Variants in SEMA3E observed in about 807,000 individuals in gnomAD.
The protein encoded by SEMA3E is semaphorin 3E.
In SEMA3E, 49 loss-of-function variants were observed where a neutral mutation model predicts 93.6. The ratio of observed to expected loss-of-function variants is 0.52; its 90% CI spans 0.42 to 0.66. The LOEUF is 0.66. SEMA3E is among the 30% of genes least tolerant of loss of function. The pLI, the probability that SEMA3E is intolerant of heterozygous loss-of-function variation, is 0.00. For synonymous variants in SEMA3E, 363 were observed against 330.7 expected (o/e 1.10, Z -1.06); for missense variants, 906 against 964.8 (o/e 0.94, Z 0.81).
At chr7:83,611,488 T>C (rs1793261623) in intron 1 of SEMA3E, among the ~76,000 whole-genome samples, 1 of 149,968 alleles carries the variant, frequency 6.7e-6, no homozygotes, top group South Asian at 2.1e-4. Flanking sequence ...TAGGTCCTCA[T>C]CTAGCTACCA....
intron 1 of SEMA3E, among the ~76,000 whole-genome samples, chr7:83,549,309 A>G (rs1791713427): frequency 6.6e-6 from 1 of 152,104 alleles, no homozygotes; most frequent in Non-Finnish European, 1.5e-5. Flanking sequence ...TTTACATATC[A>G]TAAAGGCTAT....
chr7:83,632,647 G>A (rs1267691532), intron 1 of SEMA3E, among the ~76,000 whole-genome samples: 1 of 152,062 alleles, frequency 6.6e-6, no homozygotes, highest in Non-Finnish European at 1.5e-5. Flanking sequence ...TTCGTAAATT[G>A]CCCAGTCTCA....
At chr7:83,408,604 G>T in intron 5 of SEMA3E, 117 bp from the exon 6 acceptor site, 2 of 1,118,666 alleles carry the variant, frequency 1.8e-6, no homozygotes, top group Non-Finnish European at 1.3e-6. Context: ...TAATACTATT[G>T]CTGTTAGGAG....
At chr7:83,542,106 G>A (rs1584319867) in intron 1 of SEMA3E, among the ~76,000 whole-genome samples, 1 of 151,882 alleles carries the variant, frequency 6.6e-6, no homozygotes, top group African/African-American at 2.4e-5. Flanking sequence ...ATTTTGGGAG[G>A]CCTAGGCAGG....
chr7:83,595,379 G>C (rs1326386675), intron 1 of SEMA3E, among the ~76,000 whole-genome samples: 1 of 151,962 alleles, frequency 6.6e-6, no homozygotes, highest in Non-Finnish European at 1.5e-5. Context: ...AAACAGTACA[G>C]AGTTTACATA....
At chr7:83,468,692 G>A (rs1196939052) in intron 3 of SEMA3E, among the ~76,000 whole-genome samples, 2 of 152,158 alleles carry the variant, frequency 1.3e-5, no homozygotes, top group Non-Finnish European at 2.9e-5. Context: ...GTCTTAGTGT[G>A]TTAGGGACTG....
At position 83,633,764 on chromosome 7, in the gene SEMA3E, G is replaced by GA. The variant is rs1037264156; in HGVS notation, c.115+14663dup. ...AGCAGCTGGGCCTATTTGTTAAGAGGAAAAAAAAAATAGTCATTGAGGATA... is the reference window on the plus strand; with the variant it reads ...AGCAGCTGGGCCTATTTGTTAAGAGGAAAAAAAAAAATAGTCATTGAGGATA... On this transcript the variant is annotated intron_variant, in intron 1 of 16. Transcript: ENST00000643230. 5.4e-5 allele frequency among the ~76,000 whole-genome samples: 8 copies of GA among 149,044 alleles called. No individual in the cohort carries two copies. In the South Asian group the frequency reaches 6.4e-4, roughly 12 times the overall value.
In SEMA3E at chr7:83,532,111, A is replaced by G. The variant is rs191872926; in HGVS notation, c.116-41837T>C. On this transcript the variant is annotated intron_variant, in intron 1 of 16. Transcript: ENST00000643230. ...AGATAGTTCAATGCAAAAATTTAAG[A>G]CAACATTAAAAAAATTAGGAATCTT... Among the ~76,000 whole-genome samples, 570 of 152,290 alleles carry G rather than the reference A, an allele frequency of 3.7e-3. 2 individuals are homozygous for G. The highest frequency in any genetic ancestry group is 5.7e-3 in the Non-Finnish European group (390 of 68,008).
chr7:83,418,857 T>C (rs1788615196), intron 4 of SEMA3E, among the ~76,000 whole-genome samples: 2 of 151,092 alleles, frequency 1.3e-5, no homozygotes, highest in Admixed American at 1.3e-4. Context: ...TGGGCTTTTA[T>C]CAAGCATATC....
chr7:83,509,748 T>C (rs186353453), intron 1 of SEMA3E, among the ~76,000 whole-genome samples: 10 of 152,294 alleles, frequency 6.6e-5, no homozygotes, highest in Non-Finnish European at 1.3e-4. Context: ...ATTTGATCTG[T>C]CACTGGAATT....
At chr7:83,509,173 A>T (rs1297707357) in intron 1 of SEMA3E, among the ~76,000 whole-genome samples, 2 of 152,188 alleles carry the variant, frequency 1.3e-5, no homozygotes, top group Admixed American at 1.3e-4. Context: ...TTAACTAAAA[A>T]CTTTGCTTTG....
At chr7:83,431,443 T>C (rs879811328) in intron 4 of SEMA3E, among the ~76,000 whole-genome samples, 8 of 152,132 alleles carry the variant, frequency 5.3e-5, no homozygotes, top group Non-Finnish European at 7.4e-5. Flanking sequence ...TTAAGGGTTA[T>C]CATATTTGTT....
At position 83,606,506 on chromosome 7, in the gene SEMA3E, G is replaced by C. The variant is rs535376164; in HGVS notation, c.115+41922C>G. Among the ~76,000 whole-genome samples, 12 of 147,274 alleles carry C rather than the reference G, an allele frequency of 8.1e-5. No homozygotes were observed. In the Middle Eastern group the frequency reaches 0.014, roughly 170 times the overall value. Reference sequence around the variant, plus strand: ...AAACCATCATTCTCAGTAAACTATCGCAAGAACAAAAAACCAAACACCGCA... The same window carrying C: ...AAACCATCATTCTCAGTAAACTATCCCAAGAACAAAAAACCAAACACCGCA... On this transcript the variant is annotated intron_variant, in intron 1 of 16. Coordinates refer to ENST00000643230, the MANE Select transcript of SEMA3E (RefSeq NM_012431.3).
intron 1 of SEMA3E, among the ~76,000 whole-genome samples, chr7:83,542,686 G>A (rs1443769379): frequency 6.6e-6 from 1 of 152,034 alleles, no homozygotes; most frequent in Admixed American, 6.6e-5. Context: ...GGAATTTTGT[G>A]GCTAACACAG....
rs143673349 is a variant in SEMA3E, at chr7:83,436,480, C to T, written c.457-17997G>A. Among the ~76,000 whole-genome samples the T allele has an allele frequency of 4.9e-3, 745 of 151,612 alleles. 3 individuals are homozygous for T. The highest frequency in any genetic ancestry group is 0.017 in the African/African-American group (702 of 41,374). ...TTTCGTTACTTGTTAAATATATATA[C>T]ATACATATATATACACACATATACA... is the stretch of plus-strand genomic sequence containing the variant. On this transcript the variant is annotated intron_variant, in intron 4 of 16. Coordinates refer to ENST00000643230, the MANE Select transcript of SEMA3E (RefSeq NM_012431.3).
intron 1 of SEMA3E, among the ~76,000 whole-genome samples, chr7:83,647,106 C>T (rs1018875053): frequency 9.2e-5 from 14 of 151,988 alleles, no homozygotes; most frequent in African/African-American, 3.4e-4. Flanking sequence ...TAATTCTGGG[C>T]ACTATATTTT....
chr7:83,539,895 G>GTGTGTGTGTT (rs1367132669), intron 1 of SEMA3E, among the ~76,000 whole-genome samples: 104 of 150,534 alleles, frequency 6.9e-4, no homozygotes, highest in African/African-American at 2.5e-3. Context: ...GTGTGTGTGT[G>GTGTGTGTGTT]TTTGAAGTGG....
intron 4 of SEMA3E, among the ~76,000 whole-genome samples, chr7:83,435,409 C>A (rs907090893): frequency 1.2e-4 from 19 of 152,024 alleles, no homozygotes; most frequent in African/African-American, 4.6e-4. Context: ...GCCTGGCCAA[C>A]ATGGTGAAAT....
intron 2 of SEMA3E, among the ~76,000 whole-genome samples, chr7:83,478,067 C>T (rs141616849): frequency 0.011 from 1,747 of 151,946 alleles, 32 homozygotes; most frequent in African/African-American, 0.04. Context: ...ATTACAGGCA[C>T]CTGCCACCAC....
Sources: allele counts gnomAD v4.1 joint callset (sites outside exome capture counted in the v4.1 genomes callset), GRCh38; gene constraint gnomAD v4.1.1; transcripts MANE v1.5; gene names NCBI Gene and HGNC (gene_info 2026-07-23, HGNC 2026-07-21).